Variants in CHODL observed in about 807,000 individuals in gnomAD.
CHODL encodes chondrolectin, also known as transmembrane protein MT75.
A neutral mutation model predicts 34.5 loss-of-function variants in CHODL; 29 were observed. That is an observed-to-expected ratio of 0.84 (90% CI 0.63 to 1.15). CHODL has a LOEUF of 1.15. Ranked by LOEUF, CHODL falls within the 50% of genes most tolerant of loss-of-function variation. CHODL has a pLI of 0.00. For synonymous variants in CHODL, 125 were observed against 116.1 expected, an observed-to-expected ratio of 1.08 and a Z score of -0.49; for missense variants, 332 against 332.5, an observed-to-expected ratio of 1.00 and a Z score of 0.01.
intron 2 of CHODL, among the ~76,000 whole-genome samples, chr21:18,181,110 C>T (rs575884603): frequency 1.8e-4 from 28 of 152,082 alleles, no homozygotes; most frequent in African/African-American, 6.5e-4. Flanking sequence ...TATTCCTATT[C>T]CTATTTATTC....
chr21:17,943,987 A>C (rs2146333908), intron 1 of CHODL, among the ~76,000 whole-genome samples: 1 of 152,302 alleles, frequency 6.6e-6, no homozygotes, highest in Admixed American at 6.5e-5. Flanking sequence ...CAACTGAAGC[A>C]CTCAGAGATA....
At chr21:18,053,771 G>C (rs1452653366) in intron 2 of CHODL, among the ~76,000 whole-genome samples, 1 of 151,878 alleles carries the variant, frequency 6.6e-6, no homozygotes, top group Non-Finnish European at 1.5e-5. Flanking sequence ...AGTTATTGCA[G>C]TTCTGAGGAC....
chr21:18,221,466 T>A (rs914036225), intron 2 of CHODL, among the ~76,000 whole-genome samples: 1 of 152,224 alleles, frequency 6.6e-6, no homozygotes, highest in African/African-American at 2.4e-5. Context: ...TAATGTTTCT[T>A]ACTTCCTTAT....
chr21:18,040,563 G>A (rs2064362774), intron 2 of CHODL, among the ~76,000 whole-genome samples: 1 of 151,808 alleles, frequency 6.6e-6, no homozygotes, highest in South Asian at 2.1e-4. Flanking sequence ...TGGTATATTT[G>A]CTGATACTAG....
intron 2 of CHODL, among the ~76,000 whole-genome samples, chr21:18,194,192 C>G (rs1332353051): frequency 1.3e-5 from 2 of 152,144 alleles, no homozygotes; most frequent in South Asian, 2.1e-4. Flanking sequence ...GAAAAATTAT[C>G]AAAATCTCAA....
intron 2 of CHODL, among the ~76,000 whole-genome samples, chr21:18,147,919 G>A (rs1286968129): frequency 6.6e-6 from 1 of 152,190 alleles, no homozygotes; most frequent in Non-Finnish European, 1.5e-5. Context: ...CACGCCAAGG[G>A]TCACCAGTTG....
At chr21:18,045,614 A>G (rs996764424) in intron 2 of CHODL, among the ~76,000 whole-genome samples, 2 of 151,984 alleles carry the variant, frequency 1.3e-5, no homozygotes, top group African/African-American at 2.4e-5. Context: ...GTGAGAGAAT[A>G]CATTTTTGAT....
At chr21:17,971,447 C>A (rs936124165) in intron 1 of CHODL, among the ~76,000 whole-genome samples, 7 of 152,296 alleles carry the variant, frequency 4.6e-5, no homozygotes, top group African/African-American at 1.7e-4. Context: ...GAGACGTTAT[C>A]TCATTGTGGT....
intron 1 of CHODL, among the ~76,000 whole-genome samples, chr21:18,026,270 A>C (rs1373405464): frequency 6.6e-6 from 1 of 152,218 alleles, no homozygotes; most frequent in Non-Finnish European, 1.5e-5. Context: ...GATCATTTGA[A>C]CTTGAATTAG....
intron 2 of CHODL, among the ~76,000 whole-genome samples, chr21:18,175,937 T>G (rs1026937598): frequency 6.6e-6 from 1 of 152,208 alleles, no homozygotes; most frequent in Non-Finnish European, 1.5e-5. Flanking sequence ...AACAAACCTT[T>G]TCTTTTGGTG....
At chr21:18,207,130 C>A (rs1032205922) in intron 2 of CHODL, among the ~76,000 whole-genome samples, 1 of 152,056 alleles carries the variant, frequency 6.6e-6, no homozygotes, top group Non-Finnish European at 1.5e-5. Context: ...TGAGAACATG[C>A]CGTGTTTGGT....
chr21:17,977,526 A>G (rs190525094), intron 1 of CHODL, among the ~76,000 whole-genome samples: 29 of 150,452 alleles, frequency 1.9e-4, no homozygotes, highest in Admixed American at 7.9e-4. Flanking sequence ...CGCCCAGCTA[A>G]TTTTTTTGTA....
intron 2 of CHODL, among the ~76,000 whole-genome samples, chr21:18,175,597 A>G (rs999873904): frequency 8.5e-5 from 13 of 152,134 alleles, no homozygotes; most frequent in Non-Finnish European, 1.9e-4. Flanking sequence ...TCTGGAGAAA[A>G]AAAAAAAAAG....
intron 2 of CHODL, among the ~76,000 whole-genome samples, chr21:18,112,184 TG>T (rs1360362183): frequency 1.3e-5 from 2 of 152,140 alleles, no homozygotes; most frequent in Non-Finnish European, 2.9e-5. Context: ...TGCAGAGGAT[TG>T]GCATGAATAA....
intron 2 of CHODL, among the ~76,000 whole-genome samples, chr21:18,074,157 T>G (rs529285132): frequency 1.5e-4 from 23 of 152,284 alleles, no homozygotes; most frequent in Admixed American, 1.4e-3. Flanking sequence ...AAATAGCCAC[T>G]GTTTTTCTAG....
intron 1 of CHODL, among the ~76,000 whole-genome samples, chr21:17,981,674 G>C (rs1166724973): frequency 6.6e-6 from 1 of 152,194 alleles, no homozygotes; most frequent in Non-Finnish European, 1.5e-5. Context: ...GATAGACAGA[G>C]AGAAACTCAT....
At chr21:18,060,800 G>A (rs1349081336) in intron 2 of CHODL, among the ~76,000 whole-genome samples, 1 of 151,802 alleles carries the variant, frequency 6.6e-6, no homozygotes, top group Non-Finnish European at 1.5e-5. Context: ...CTCTGAAATG[G>A]AGTCAACTTG....
intron 2 of CHODL, among the ~76,000 whole-genome samples, chr21:18,152,089 G>A (rs934455692): frequency 1.3e-5 from 2 of 151,824 alleles, no homozygotes; most frequent in South Asian, 2.1e-4. Flanking sequence ...TTTCAGTCGA[G>A]TTTAGTAAAA....
intron 2 of CHODL, among the ~76,000 whole-genome samples, chr21:18,194,200 C>G (rs1443224563): frequency 6.6e-6 from 1 of 152,174 alleles, no homozygotes; most frequent in East Asian, 1.9e-4. Context: ...ATCAAAATCT[C>G]AAATCATCAT....
Sources: gnomAD v4.1 joint callset for allele counts (sites outside exome capture counted in the v4.1 genomes callset) on GRCh38, gnomAD v4.1.1 for gene constraint, MANE v1.5 for transcripts, NCBI Gene and HGNC (gene_info 2026-07-23, HGNC 2026-07-21) for gene names.